CDH13: variants seen among roughly 807,000 people sequenced by gnomAD.
CDH13 encodes cadherin 13.
CDH13 carries 24 observed loss-of-function variants against 63.8 expected under a neutral mutation model. The observed-to-expected ratio is 0.38, with a 90% confidence interval of 0.27 to 0.53. The LOEUF is 0.53. Ranked by LOEUF, CDH13 falls within the 20% of genes least tolerant of loss-of-function variation. The pLI is 0.85. For synonymous variants in CDH13, 503 were observed against 355.3 expected (o/e 1.42, Z -4.67); for missense variants, 1,049 against 903.1 (o/e 1.16, Z -2.07).
intron 1 of CDH13, among the ~76,000 whole-genome samples, chr16:82,792,818 C>A (rs569131996): frequency 8.5e-5 from 13 of 152,258 alleles, no homozygotes; most frequent in Non-Finnish European, 1.9e-4. Context: ...CCAACTGCAT[C>A]CAGGCTGCGT....
chr16:82,630,331 T>C (rs8051657), intron 1 of CDH13, among the ~76,000 whole-genome samples: 62,280 of 151,970 alleles, frequency 0.41, 13,280 homozygotes, highest in South Asian at 0.47. Context: ...CCTGTCTGAA[T>C]ATTTTTTTTT....
intron 7 of CDH13, among the ~76,000 whole-genome samples, chr16:83,495,056 A>G (rs1474404558): frequency 6.6e-6 from 1 of 152,166 alleles, no homozygotes; most frequent in Non-Finnish European, 1.5e-5. Flanking sequence ...TGAAGATATT[A>G]TTATCAACAG....
chr16:83,566,931 C>T (rs148051307), intron 7 of CDH13, among the ~76,000 whole-genome samples: 4 of 152,230 alleles, frequency 2.6e-5, no homozygotes, highest in African/African-American at 9.6e-5. Flanking sequence ...TTATTCCCAC[C>T]CTCATCCCTC....
intron 3 of CDH13, among the ~76,000 whole-genome samples, chr16:83,051,762 G>C (rs1338046799): frequency 1.3e-5 from 2 of 152,088 alleles, no homozygotes; most frequent in South Asian, 4.1e-4. Flanking sequence ...GTTATGACTT[G>C]TATTATCCAT....
chr16:83,378,539 A>G (rs995756609), intron 6 of CDH13, among the ~76,000 whole-genome samples: 8 of 152,294 alleles, frequency 5.3e-5, no homozygotes, highest in African/African-American at 1.7e-4. Context: ...TTCAGGTGGG[A>G]TGCAACTGTG....
At chr16:82,938,638 C>G (rs2042740900) in intron 2 of CDH13, among the ~76,000 whole-genome samples, 1 of 152,108 alleles carries the variant, frequency 6.6e-6, no homozygotes, top group Admixed American at 6.5e-5. Flanking sequence ...TAATTGCAGT[C>G]CTCGAGAAGA....
chr16:83,711,704 A>T (rs1357418775), intron 10 of CDH13, among the ~76,000 whole-genome samples: 10 of 151,996 alleles, frequency 6.6e-5, no homozygotes, highest in Admixed American at 6.5e-4. Flanking sequence ...TTTAGTAGAG[A>T]CGGGATTTCA....
chr16:82,645,427 G>C (rs545708739), intron 1 of CDH13, among the ~76,000 whole-genome samples: 1 of 152,230 alleles, frequency 6.6e-6, no homozygotes, highest in East Asian at 1.9e-4. Flanking sequence ...GGGGTGAGGG[G>C]GGTTGTGACC....
chr16:83,160,737 T>C (rs67048720), intron 4 of CDH13, among the ~76,000 whole-genome samples: 24,981 of 152,208 alleles, frequency 0.16, 2,788 homozygotes, highest in African/African-American at 0.31. Context: ...GATCTGTTGG[T>C]ATTAACTGAT....
intron 2 of CDH13, among the ~76,000 whole-genome samples, chr16:82,994,942 G>A (rs1049877946): frequency 3.9e-5 from 6 of 152,174 alleles, no homozygotes; most frequent in Admixed American, 6.5e-5. Context: ...ACTTGATGCG[G>A]CTCCATTTCT....
chr16:83,076,721 C>G (rs747248955), intron 3 of CDH13, among the ~76,000 whole-genome samples: 3 of 152,068 alleles, frequency 2.0e-5, no homozygotes, highest in African/African-American at 4.8e-5. Context: ...ATGTAACACT[C>G]CACCCCCTAA....
At chr16:83,748,071 T>G in intron 10 of CDH13, 37 bp from the exon 11 acceptor site, 3 of 1,612,328 alleles carry the variant, frequency 1.9e-6, no homozygotes, top group Non-Finnish European at 2.5e-6. Context: ...GAATCTACTT[T>G]GAATGCAGAG....
chr16:82,860,384 T>TGGGGGGGGG (rs1197091420), intron 2 of CDH13, among the ~76,000 whole-genome samples: 1 of 29,560 alleles, frequency 3.4e-5, no homozygotes, highest in African/African-American at 1.4e-4. Flanking sequence ...TGTGTGTGTG[T>TGGGGGGGGG]GTGTGGGGGG....
chr16:82,639,525 G>C, intron 1 of CDH13: 1 of 1,168,192 alleles, frequency 8.6e-7, no homozygotes, highest in Non-Finnish European at 1.2e-6. Context: ...GGGATGCTAA[G>C]AAACCCTGTT....
intron 13 of CDH13, among the ~76,000 whole-genome samples, chr16:83,784,250 G>T (rs1334167661): frequency 6.6e-5 from 10 of 152,178 alleles, no homozygotes; most frequent in Non-Finnish European, 1.5e-5. Context: ...CCTACTGACA[G>T]TGGTGAGCTG....
In CDH13 at chr16:83,031,356, ATACATG is replaced by A. The variant is rs557710617; in HGVS notation, c.158-645_158-640del. 9.0e-3 allele frequency among the ~76,000 whole-genome samples: 1,160 copies of A among 128,222 alleles called. 17 individuals are homozygous for A. The highest frequency in any genetic ancestry group is 0.016 in the Middle Eastern group (4 of 244). 84.1% of individuals were successfully genotyped at this position (128,222 alleles called of 152,430 possible). A position where few individuals can be genotyped will look rare whatever the true frequency, so the allele number is the denominator to read the frequency against. On this transcript the variant is annotated intron_variant, in intron 2 of 13. Coordinates refer to ENST00000567109, the MANE Select transcript of CDH13 (RefSeq NM_001257.5). ...GTATATGTATACACGTATATGGTAT[ATACATG>A]TACATGTATATGTATACACGTATAT...
chr16:83,094,443 G>A (rs12928063), intron 3 of CDH13, among the ~76,000 whole-genome samples: 60,770 of 152,078 alleles, frequency 0.4, 12,915 homozygotes, highest in Middle Eastern at 0.58. Flanking sequence ...ACCCTGCAGA[G>A]AGCTTTAAGA....
At chr16:83,108,720 G>T (rs1279526330) in intron 3 of CDH13, among the ~76,000 whole-genome samples, 3 of 152,124 alleles carry the variant, frequency 2.0e-5, no homozygotes, top group Admixed American at 2.0e-4. Flanking sequence ...GCTGTCTCTT[G>T]TCTGTATCAC....
At chr16:83,389,094 A>G (rs1022140703) in intron 6 of CDH13, among the ~76,000 whole-genome samples, 1 of 152,224 alleles carries the variant, frequency 6.6e-6, no homozygotes, top group Admixed American at 6.5e-5. Flanking sequence ...ACAATGGTCA[A>G]TTAAAAAGAC....
Sources: allele counts gnomAD v4.1 joint callset (sites outside exome capture counted in the v4.1 genomes callset), GRCh38; gene constraint gnomAD v4.1.1; transcripts MANE v1.5; gene names NCBI Gene and HGNC (gene_info 2026-07-23, HGNC 2026-07-21).